PRKN: variants seen among roughly 807,000 people sequenced by gnomAD.
PRKN encodes E3 ubiquitin-protein ligase parkin.
A neutral mutation model predicts 59.5 loss-of-function variants in PRKN; 56 were observed. That is an observed-to-expected ratio of 0.94 (90% CI 0.76 to 1.18). The LOEUF (loss-of-function observed/expected upper bound fraction) is 1.18, where lower values mean the gene tolerates loss of function less well. PRKN is among the 50% of genes most tolerant of loss of function. PRKN has a pLI of 0.00. For missense variants in PRKN, 657 were observed against 596.4 expected (o/e 1.10, Z -1.06); for synonymous variants, 250 against 222.1 (o/e 1.13, Z -1.12).
At chr6:162,164,542 G>A (rs2128317689) in intron 4 of PRKN, among the ~76,000 whole-genome samples, 1 of 148,940 alleles carries the variant, frequency 6.7e-6, no homozygotes, top group Admixed American at 6.7e-5. Context: ...TGTAGAGTGT[G>A]ACTGTTACAA....
chr6:162,364,784 C>T (rs78839137), intron 2 of PRKN, among the ~76,000 whole-genome samples: 2,282 of 152,154 alleles, frequency 0.015, 35 homozygotes, highest in East Asian at 0.065. Flanking sequence ...CTTACATTTC[C>T]AGAATGAGCC....
At chr6:161,811,434 A>C (rs1791553888) in intron 6 of PRKN, among the ~76,000 whole-genome samples, 1 of 152,224 alleles carries the variant, frequency 6.6e-6, no homozygotes, top group South Asian at 2.1e-4. Flanking sequence ...ACAGAACAGA[A>C]GAGTGAGTCT....
At chr6:161,663,695 T>A (rs1784627821) in intron 7 of PRKN, among the ~76,000 whole-genome samples, 1 of 152,226 alleles carries the variant, frequency 6.6e-6, no homozygotes, top group East Asian at 1.9e-4. Context: ...TTTATTAAAC[T>A]GCAAAGGATT....
At chr6:162,111,870 C>T (rs1464060664) in intron 4 of PRKN, among the ~76,000 whole-genome samples, 2 of 152,186 alleles carry the variant, frequency 1.3e-5, no homozygotes, top group Non-Finnish European at 2.9e-5. Context: ...GCTTCCATAA[C>T]TCAACAGAAT....
chr6:161,835,197 T>C (rs188963203), intron 6 of PRKN, among the ~76,000 whole-genome samples: 68 of 152,282 alleles, frequency 4.5e-4, no homozygotes, highest in Middle Eastern at 6.8e-3. Context: ...TTTTATTTAG[T>C]ATTTTCAAAT....
At chr6:162,413,765 C>A (rs993610086) in intron 2 of PRKN, among the ~76,000 whole-genome samples, 3 of 152,190 alleles carry the variant, frequency 2.0e-5, no homozygotes, top group African/African-American at 7.2e-5. Context: ...ATAGACATCA[C>A]CTATTTTAAT....
chr6:161,962,083 C>T (rs1018012638), intron 6 of PRKN, among the ~76,000 whole-genome samples: 19 of 152,116 alleles, frequency 1.2e-4, no homozygotes, highest in African/African-American at 2.7e-4. Context: ...ATTTGCACTC[C>T]GGGTGTCTGA....
intron 5 of PRKN, among the ~76,000 whole-genome samples, chr6:162,013,647 C>T (rs1210709281): frequency 3.3e-5 from 5 of 152,152 alleles, no homozygotes; most frequent in Non-Finnish European, 7.4e-5. Context: ...CGAGACTCTT[C>T]TTTTTCAATA....
chr6:162,606,481 GT>G (rs1412515251), intron 1 of PRKN, among the ~76,000 whole-genome samples: 1 of 152,168 alleles, frequency 6.6e-6, no homozygotes, highest in East Asian at 1.9e-4. Context: ...AACTGAAAGT[GT>G]ATTGCTTTCA....
chr6:162,467,100 T>G (rs1369387011), intron 1 of PRKN, among the ~76,000 whole-genome samples: 1 of 152,186 alleles, frequency 6.6e-6, no homozygotes, highest in African/African-American at 2.4e-5. Context: ...AAATGTTGAC[T>G]TCTTATGGAA....
intron 9 of PRKN, among the ~76,000 whole-genome samples, chr6:161,516,545 G>T (rs1242825732): frequency 1.3e-5 from 2 of 148,860 alleles, no homozygotes; most frequent in Non-Finnish European, 3.0e-5. Flanking sequence ...GAAGAAAAGT[G>T]GGCTAGGTAT....
intron 7 of PRKN, among the ~76,000 whole-genome samples, chr6:161,680,495 G>A (rs948996587): frequency 5.3e-5 from 8 of 151,926 alleles, no homozygotes; most frequent in Non-Finnish European, 1.0e-4. Context: ...TTCACGGATG[G>A]AATAAGGTAA....
chr6:162,425,429 G>T (rs1306973349), intron 2 of PRKN, among the ~76,000 whole-genome samples: 2 of 152,076 alleles, frequency 1.3e-5, no homozygotes, highest in African/African-American at 2.4e-5. Flanking sequence ...AAGAACCACA[G>T]ACACAGAATT....
At chr6:161,534,839 C>T (rs940525619) in intron 9 of PRKN, among the ~76,000 whole-genome samples, 1 of 152,108 alleles carries the variant, frequency 6.6e-6, no homozygotes, top group African/African-American at 2.4e-5. Flanking sequence ...CTGAATTTTC[C>T]CCCTTGGTGC....
At chr6:162,179,315 A>C (rs1369849818) in intron 4 of PRKN, among the ~76,000 whole-genome samples, 1 of 152,202 alleles carries the variant, frequency 6.6e-6, no homozygotes, top group Non-Finnish European at 1.5e-5. Context: ...ATCTTTGATC[A>C]TCAGCCCGAA....
At chr6:162,628,776 G>A (rs1583939567) in intron 1 of PRKN, among the ~76,000 whole-genome samples, 1 of 152,154 alleles carries the variant, frequency 6.6e-6, no homozygotes, top group Non-Finnish European at 1.5e-5. Context: ...TTATATATAA[G>A]GTCTAATGAA....
intron 6 of PRKN, among the ~76,000 whole-genome samples, chr6:161,814,765 G>C (rs774737848): frequency 3.9e-5 from 6 of 152,292 alleles, no homozygotes; most frequent in Non-Finnish European, 7.3e-5. Context: ...GCCTCCCAAA[G>C]TGCTAGGATT....
rs1239089637 is a variant in PRKN, at chr6:161,461,904, AG to A, written c.1084-75028del. ...CTGCAGAAATACACGAGAAGGTCTG[AG>A]GGAGGGCTTGGCTTGAAGAGAGGAC... On this transcript the variant is annotated intron_variant, in intron 9 of 11. Transcript: ENST00000366898. The surrounding 1 kb of genome is among the most constrained non-coding windows in gnomAD (Gnocchi z 5.1). 6.6e-6 allele frequency among the ~76,000 whole-genome samples: 1 copy of A among 152,144 alleles called. No individual in the cohort carries two copies. The highest frequency in any genetic ancestry group is 6.5e-5 in the Admixed American group (1 of 15,276).
chr6:162,561,517 C>T (rs1779843651), intron 1 of PRKN, among the ~76,000 whole-genome samples: 1 of 152,076 alleles, frequency 6.6e-6, no homozygotes, highest in South Asian at 2.1e-4. Context: ...ACTCATGGTA[C>T]TTGATTTCCA....
Sources: gnomAD v4.1 joint callset for allele counts (sites outside exome capture counted in the v4.1 genomes callset) on GRCh38, gnomAD v4.1.1 for gene constraint, Gnocchi (gnomAD v3.1) non-coding constraint, MANE v1.5 for transcripts, NCBI Gene and HGNC (gene_info 2026-07-23, HGNC 2026-07-21) for gene names.